AEBP2: variants seen among roughly 807,000 people sequenced by gnomAD.
AEBP2 encodes zinc finger protein AEBP2.
Under a neutral mutation model 50.8 loss-of-function variants are expected in AEBP2, and 10 were observed. That is an observed-to-expected ratio of 0.20 (90% CI 0.12 to 0.33). The LOEUF (loss-of-function observed/expected upper bound fraction) is 0.33. Ranked by LOEUF, AEBP2 falls within the 10% of genes least tolerant of loss-of-function variation. The pLI is 1.00. For synonymous variants in AEBP2, 296 were observed against 261.3 expected (o/e 1.13, Z -1.28); for missense variants, 570 against 688.0 (o/e 0.83, Z 1.92).
intron 1 of AEBP2, among the ~76,000 whole-genome samples, chr12:19,441,961 T>G (rs953297873): frequency 6.6e-6 from 1 of 152,204 alleles, no homozygotes; most frequent in Admixed American, 6.5e-5. Flanking sequence ...TGGTGCAAGA[T>G]AGGTATTATT....
At chr12:19,443,883 T>A (rs1948010141) in intron 1 of AEBP2, among the ~76,000 whole-genome samples, 1 of 152,168 alleles carries the variant, frequency 6.6e-6, no homozygotes, top group African/African-American at 2.4e-5. Context: ...AGAAGAAAGT[T>A]TTTCAAAACC....
chr12:19,441,499 G>T lies in AEBP2; in HGVS notation c.671+1129G>T, dbSNP rs575265684. 2.0e-5 allele frequency among the ~76,000 whole-genome samples: 3 copies of T among 152,116 alleles called. No homozygotes were observed. The South Asian group carries it at 6.2e-4, about 32-fold the overall frequency. ...AAAGTATAGCAATGGAAATTTTAGT[G>T]GTCGATAGTGATTTTCATTTAAGAG... On this transcript the variant is annotated intron_variant, in intron 1 of 7. Coordinates refer to ENST00000266508, the MANE Select transcript of AEBP2 (RefSeq NM_153207.5).
At chr12:19,460,842 G>A (rs565090260) in intron 1 of AEBP2, among the ~76,000 whole-genome samples, 1 of 151,856 alleles carries the variant, frequency 6.6e-6, no homozygotes, top group African/African-American at 2.4e-5. Flanking sequence ...TTTTAGTAGA[G>A]ACAGGGTTTC....
At chr12:19,492,058 A>G (rs1395347314) in intron 3 of AEBP2, among the ~76,000 whole-genome samples, 1 of 152,180 alleles carries the variant, frequency 6.6e-6, no homozygotes, top group Non-Finnish European at 1.5e-5. Flanking sequence ...TTTAAATGCT[A>G]TTATCTAGAT....
chr12:19,429,244 A>T (rs1471669684), intron 1 of AEBP2, among the ~76,000 whole-genome samples: 2 of 151,924 alleles, frequency 1.3e-5, no homozygotes, highest in Non-Finnish European at 2.9e-5. Flanking sequence ...TTTTTGTCCT[A>T]GTGATAGTTT....
At chr12:19,446,344 A>C (rs1457681423) in intron 1 of AEBP2, among the ~76,000 whole-genome samples, 1 of 152,142 alleles carries the variant, frequency 6.6e-6, no homozygotes, top group Admixed American at 6.5e-5. Flanking sequence ...AGGTATGGTT[A>C]CTCACACCTG....
At position 19,439,666 on chromosome 12, in the gene AEBP2, GGGAGGAGGAGGA is replaced by G. The variant is rs74261534; in HGVS notation, c.-23_-12del. The G allele has an allele frequency of 6.9e-7, 1 of 1,451,438 alleles. No homozygotes were observed. The highest frequency in any genetic ancestry group is 2.8e-5 in the East Asian group (1 of 35,946). 89.9% of individuals were successfully genotyped at this position (1,451,438 alleles called of 1,614,324 possible). A position where few individuals can be genotyped will look rare whatever the true frequency, so the allele number is the denominator to read the frequency against. Reference sequence around the variant, plus strand: ...GAGTCGAGAGAGGGAGGCGGCGGTGGGGAGGAGGAGGAGGAGGAGGAGCAGGCGCCGCCATGG... The same window carrying G: ...GAGTCGAGAGAGGGAGGCGGCGGTGGGGAGGAGGAGCAGGCGCCGCCATGG... On this transcript the variant is annotated 5_prime_UTR_variant, in exon 1 of 8. Transcript: ENST00000266508.
intron 5 of AEBP2, among the ~76,000 whole-genome samples, chr12:19,511,315 G>A (rs559033849): frequency 6.6e-5 from 10 of 152,204 alleles, no homozygotes; most frequent in East Asian, 1.9e-4. Context: ...AGAAAGCCCC[G>A]GAGAGTTGGT....
chr12:19,466,753 A>AATAAC, intron 2 of AEBP2: 2 of 973,714 alleles, frequency 2.1e-6, no homozygotes, highest in South Asian at 9.5e-5. Flanking sequence ...TTAAGTGTTA[A>AATAAC]AGTGTCATCA....
chr12:19,462,777 T>C (rs768634177), intron 2 of AEBP2, 60 bp downstream of exon 2: 28 of 1,458,464 alleles, frequency 1.9e-5, no homozygotes, highest in Non-Finnish European at 2.6e-5. Flanking sequence ...TAATTTATAA[T>C]TGCTAGTTAG....
chr12:19,434,959 C>T (rs760299155), upstream of AEBP2, among the ~76,000 whole-genome samples: 60 of 152,154 alleles, frequency 3.9e-4, no homozygotes, highest in Non-Finnish European at 7.6e-4. Context: ...TTGCCATTTC[C>T]ATGTGTCTAA....
chr12:19,439,576 C>A lies in AEBP2; in HGVS notation c.-124C>A. 1 of 1,290,966 alleles carries A rather than the reference C, an allele frequency of 7.7e-7. No individual in the cohort carries two copies. The highest frequency in any genetic ancestry group is 2.9e-5 in the East Asian group (1 of 34,896). The allele number at this position is 1,290,966 out of a possible 1,614,324, so 80.0% of individuals were successfully genotyped here. A position where few individuals can be genotyped will look rare whatever the true frequency, so the allele number is the denominator to read the frequency against. ...GTGCAGGCTGACGCAGCTCGCGGGC[C>A]CTCCTCCTGCTCTGCAGCGGCGTCG... is the stretch of plus-strand genomic sequence containing the variant. On this transcript the variant is annotated 5_prime_UTR_variant, in exon 1 of 8. Coordinates refer to ENST00000266508, the MANE Select transcript of AEBP2 (RefSeq NM_153207.5).
rs188251823 is a variant in AEBP2, at chr12:19,464,770, G to A, written c.879+2053G>A. On this transcript the variant is annotated intron_variant, in intron 2 of 7. Coordinates refer to ENST00000266508, the MANE Select transcript of AEBP2 (RefSeq NM_153207.5). ...CCTGGCTAAATTTTTTTGTATTTTT[G>A]GTAGAGATGGGGTTTCACCATGTTG... Among the ~76,000 whole-genome samples the A allele has an allele frequency of 2.5e-4, 38 of 151,120 alleles. No homozygotes were observed. In the East Asian group the frequency reaches 7.3e-3, roughly 29 times the overall value.
intron 1 of AEBP2, among the ~76,000 whole-genome samples, chr12:19,453,377 C>T (rs2153368474): frequency 6.6e-6 from 1 of 151,896 alleles, no homozygotes; most frequent in African/African-American, 2.4e-5. Flanking sequence ...CTTGGCCTCC[C>T]AACATGTTGG....
rs1281408417 is a variant in AEBP2, at chr12:19,518,212, C to T, written c.*95C>T. 49 of 1,336,438 alleles carry T rather than the reference C, an allele frequency of 3.7e-5. No individual in the cohort carries two copies. The highest frequency in any genetic ancestry group is 4.6e-5 in the Non-Finnish European group (48 of 1,046,746). 82.8% of individuals were successfully genotyped at this position (1,336,438 alleles called of 1,614,324 possible). A position where few individuals can be genotyped will look rare whatever the true frequency, so the allele number is the denominator to read the frequency against. On this transcript the variant is annotated 3_prime_UTR_variant, in exon 8 of 8. Coordinates refer to ENST00000266508, the MANE Select transcript of AEBP2 (RefSeq NM_153207.5). ...AGGGAAAGTTGCACATTAGAGTCAA[C>T]CCCTTCTTTTTTTTTTTTTTTTTTT...
upstream of AEBP2, among the ~76,000 whole-genome samples, chr12:19,437,065 ACT>A (rs1196528882): frequency 6.6e-6 from 1 of 152,030 alleles, no homozygotes; most frequent in Non-Finnish European, 1.5e-5. Flanking sequence ...AAGAAAGGTC[ACT>A]CTCTGCCTTC....
intron 4 of AEBP2, among the ~76,000 whole-genome samples, chr12:19,496,019 T>C (rs528901531): frequency 1.3e-5 from 2 of 152,286 alleles, no homozygotes; most frequent in South Asian, 4.1e-4. Flanking sequence ...AAATATATAT[T>C]ATGGTACTCA....
chr12:19,470,488 A>G (rs1404787752), intron 2 of AEBP2, among the ~76,000 whole-genome samples: 2 of 152,136 alleles, frequency 1.3e-5, no homozygotes, highest in Non-Finnish European at 2.9e-5. Flanking sequence ...TTTCACCCCA[A>G]TATAGCTAAA....
chr12:19,432,024 A>G (rs1294750163), intron 1 of AEBP2, among the ~76,000 whole-genome samples: 8 of 152,206 alleles, frequency 5.3e-5, no homozygotes, highest in African/African-American at 1.9e-4. Context: ...GGGCTCAAGC[A>G]TGTCTGGGCA....
Sources: gnomAD v4.1 joint callset for allele counts (sites outside exome capture counted in the v4.1 genomes callset) on GRCh38, gnomAD v4.1.1 for gene constraint, MANE v1.5 for transcripts, NCBI Gene and HGNC (gene_info 2026-07-23, HGNC 2026-07-21) for gene names.